The following IGFBP5 variants were observed in gnomAD, a reference collection of about 807,000 sequenced individuals.
IGFBP5 encodes the protein insulin like growth factor binding protein 5.
A neutral mutation model predicts 28.0 loss-of-function variants in IGFBP5; 12 were observed. That is an observed-to-expected ratio of 0.43 (90% CI 0.27 to 0.69). IGFBP5 has a LOEUF of 0.69. Among genes scored for constraint, IGFBP5 ranks in the 30% least tolerant of loss-of-function variants. IGFBP5 has a pLI of 0.20. For missense variants in IGFBP5, 344 were observed against 381.6 expected (o/e 0.90, Z 0.82); for synonymous variants, 152 against 150.2 (o/e 1.01, Z -0.09).
intron 1 of IGFBP5, among the ~76,000 whole-genome samples, chr2:216,686,584 T>C (rs570808351): frequency 6.7e-6 from 1 of 150,340 alleles, no homozygotes; most frequent in Admixed American, 6.6e-5. Flanking sequence ...GCCACTGCAC[T>C]CCAGCCTGGG....
intron 1 of IGFBP5, among the ~76,000 whole-genome samples, chr2:216,693,152 CT>C (rs56749026): frequency 1.7e-3 from 247 of 146,810 alleles, no homozygotes; most frequent in Non-Finnish European, 1.5e-3. Flanking sequence ...GTTTATTTAA[CT>C]TTTTTTTTTT....
Position 216,676,782 on chromosome 2 carries a change from C to A in IGFBP5, c.788G>T (p.Cys263Phe). The A allele has an allele frequency of 1.2e-6, 2 of 1,613,878 alleles. No individual in the cohort carries two copies. The highest frequency in any genetic ancestry group is 2.2e-5 in the South Asian group (2 of 91,066). ...AACGTTGCTGCTGTCGAAGGTGTGG[C>A]ACTGAAAGTCCCCGTCAACGTACTC... is the stretch of plus-strand genomic sequence containing the variant. ...GMEYVDGDFQ[C>F]HTFDSSNVE The change falls in exon 4 of 4, where the codon TGC (cysteine) becomes TTC (phenylalanine). Residue 263 changes from cysteine to phenylalanine, a missense_variant. This residue lies in a region of IGFBP5 where 36 missense variants were observed against 34.1 expected (regional missense o/e 1.06). Transcript: ENST00000233813.
At chr2:216,680,554 G>A (rs148896403) in intron 1 of IGFBP5, among the ~76,000 whole-genome samples, 1 of 152,326 alleles carries the variant, frequency 6.6e-6, no homozygotes, top group African/African-American at 2.4e-5. Flanking sequence ...GGGCAGGATG[G>A]CAGGTGGCAG....
chr2:216,678,064 G>T, intron 3 of IGFBP5, 48 bp downstream of exon 3: 4 of 1,365,842 alleles, frequency 2.9e-6, no homozygotes, highest in Non-Finnish European at 3.8e-6. Flanking sequence ...CCTGGCAGGT[G>T]CCATTTTTGG....
Position 216,695,014 on chromosome 2 carries a change from A to C in IGFBP5, c.-239T>G, listed in dbSNP as rs1416724325. The C allele has an allele frequency of 2.7e-6, 1 of 365,784 alleles. No homozygotes were observed. Among genetic ancestry groups the C allele is most frequent in the East Asian group, 4.0e-5 (1 of 25,090 alleles). 22.7% of individuals were successfully genotyped at this position (365,784 alleles called of 1,614,324 possible). A position where few individuals can be genotyped will look rare whatever the true frequency, so the allele number is the denominator to read the frequency against. On this transcript the variant is annotated 5_prime_UTR_variant, in exon 1 of 4. Coordinates refer to ENST00000233813, the MANE Select transcript of IGFBP5 (RefSeq NM_000599.4). ...TAAAGCCTTGCAACAGGTTGGGGGA[A>C]GCAGGGCAGCGCCAGGTGCACGCAG...
Position 216,676,529 on chromosome 2 carries a change from A to AGGG in IGFBP5, c.*219_*221dup. ...TTGCCTCAAAAAGAAAACCATTTAA[A>AGGG]GGGGGGGGGTGTCTTTTTAGCTTTT... On this transcript the variant is annotated 3_prime_UTR_variant, in exon 4 of 4. Transcript: ENST00000233813. The AGGG allele has an allele frequency of 3.3e-6, 1 of 303,044 alleles. No homozygotes were observed. Among genetic ancestry groups the AGGG allele is most frequent in the African/African-American group, 2.3e-5 (1 of 43,768 alleles). The allele number at this position is 303,044 out of a possible 1,614,324, so 18.8% of individuals were successfully genotyped here. A position where few individuals can be genotyped will look rare whatever the true frequency, so the allele number is the denominator to read the frequency against.
intron 2 of IGFBP5, 117 bp downstream of exon 2, chr2:216,678,733 G>C (rs1323136759): frequency 8.8e-6 from 7 of 797,754 alleles, no homozygotes; most frequent in African/African-American, 1.7e-5. Flanking sequence ...GAGCCACATG[G>C]TGGGCTGTAG....
At chr2:216,677,233 C>T (rs1201304624) in intron 3 of IGFBP5, among the ~76,000 whole-genome samples, 2 of 152,096 alleles carry the variant, frequency 1.3e-5, no homozygotes, top group East Asian at 3.9e-4. Flanking sequence ...GCCACTGTGC[C>T]TGGCTTATAG....
chr2:216,687,156 A>G (rs1466907428), intron 1 of IGFBP5, among the ~76,000 whole-genome samples: 1 of 152,182 alleles, frequency 6.6e-6, no homozygotes, highest in Non-Finnish European at 1.5e-5. Context: ...AAGGTCTGCC[A>G]GAAAGTGTTG....
At chr2:216,687,821 C>T (rs1405743125) in intron 1 of IGFBP5, among the ~76,000 whole-genome samples, 1 of 152,192 alleles carries the variant, frequency 6.6e-6, no homozygotes, top group African/African-American at 2.4e-5. Context: ...GCCACATCCC[C>T]CCAAAGTTCT....
rs537094064 is a variant in IGFBP5 at position 216,695,079 on chromosome 2, A to C, written c.-304T>G. 3.4e-6 allele frequency: 1 copy of C among 292,110 alleles called. No homozygotes were observed. The highest frequency in any genetic ancestry group is 5.2e-5 in the Admixed American group (1 of 19,404). 18.1% of individuals were successfully genotyped at this position (292,110 alleles called of 1,614,324 possible). A position where few individuals can be genotyped will look rare whatever the true frequency, so the allele number is the denominator to read the frequency against. On this transcript the variant is annotated 5_prime_UTR_variant, in exon 1 of 4. Coordinates refer to ENST00000233813, the MANE Select transcript of IGFBP5 (RefSeq NM_000599.4). The stretch of plus-strand genomic sequence containing the variant: ...AGAAACCCTCAAGCCTGAGCGGGTC[A>C]GAATTATAGGGGAAAAAAAGCCACA...
Position 216,694,617 on chromosome 2 carries a change from G to A in IGFBP5, c.159C>T (p.Cys53=). ...LGCELVKEPG[C]GCCMTCALAE... Reference sequence around the variant, plus strand: ...CCAGGGCGCAGGTCATGCAGCAGCCGCAGCCCGGCTCCTTGACCAGCTCGC... The same window carrying A: ...CCAGGGCGCAGGTCATGCAGCAGCCACAGCCCGGCTCCTTGACCAGCTCGC... The change falls in exon 1 of 4, where the codon TGC becomes TGT. Residue 53 remains cysteine, a synonymous_variant. Coordinates refer to ENST00000233813, the MANE Select transcript of IGFBP5 (RefSeq NM_000599.4). The surrounding 1 kb of genome is among the most constrained non-coding windows in gnomAD (Gnocchi z 5.2). The A allele has an allele frequency of 1.3e-6, 2 of 1,538,398 alleles. No individual in the cohort carries two copies. The highest frequency in any genetic ancestry group is 2.4e-5 in the East Asian group (1 of 41,020).
rs748899149 is a variant in IGFBP5 at position 216,678,159 on chromosome 2, C to T, written c.640G>A (p.Val214Met). ...KASPRMVPRAVYLPNCDRKGF... is the reference protein window; with the variant it reads ...KASPRMVPRAMYLPNCDRKGF... Reference sequence around the variant, plus strand: ...TTGCGGTCACAATTGGGCAGGTACACAGCACGGGGCACCATGCGTGGGCTG... The same window carrying T: ...TTGCGGTCACAATTGGGCAGGTACATAGCACGGGGCACCATGCGTGGGCTG... The change falls in exon 3 of 4, where the codon GTG becomes ATG. Residue 214 changes from valine to methionine, a missense_variant. Transcript: ENST00000233813. 3.1e-6 allele frequency: 5 copies of T among 1,592,936 alleles called. No homozygotes were observed. The Admixed American group carries it at 5.1e-5, about 16-fold the overall frequency.
rs1242227844 is a variant in IGFBP5 at position 216,673,263 on chromosome 2, G to C, written c.*3488C>G. 6.6e-6 allele frequency: 1 copy of C among 152,644 alleles called. No homozygotes were observed. The highest frequency in any genetic ancestry group is 1.5e-5 in the Non-Finnish European group (1 of 68,262). 9.5% of individuals were successfully genotyped at this position (152,644 alleles called of 1,614,324 possible). A position where few individuals can be genotyped will look rare whatever the true frequency, so the allele number is the denominator to read the frequency against. ...GGGTACCATGGAGGCCACAGAGGTG[G>C]TGGTGGGGAGATGGGGTGGGAGAGA... is the stretch of plus-strand genomic sequence containing the variant. On this transcript the variant is annotated 3_prime_UTR_variant, in exon 4 of 4. Transcript: ENST00000233813. The surrounding 1 kb of genome is among the most constrained non-coding windows in gnomAD (Gnocchi z 4.3).
chr2:216,694,280 C>T lies in IGFBP5; in HGVS notation c.337+159G>A, dbSNP rs896890827. Among the ~76,000 whole-genome samples, 5 of 152,124 alleles carry T rather than the reference C, an allele frequency of 3.3e-5. No individual in the cohort carries two copies. Among genetic ancestry groups the T allele is most frequent in the African/African-American group, 1.2e-4 (5 of 41,428 alleles). ...GACAGTTCCCCCGGGTAGCAGGATC[C>T]TCCAGGGCTCCAATTCCGGGGTGCA... On this transcript the variant is annotated intron_variant, in intron 1 of 3. Transcript: ENST00000233813. This position sits in a 1 kb window ranked among gnomAD's most constrained non-coding sequence, Gnocchi z 5.2.
At chr2:216,682,058 T>C (rs1417494650) in intron 1 of IGFBP5, among the ~76,000 whole-genome samples, 3 of 152,206 alleles carry the variant, frequency 2.0e-5, no homozygotes, top group Admixed American at 2.0e-4. Flanking sequence ...TCAAAATGCT[T>C]TTGCAAACTC....
Position 216,694,506 on chromosome 2 carries a change from C to T in IGFBP5, c.270G>A (p.Leu90=). The T allele has an allele frequency of 6.3e-7, 1 of 1,590,022 alleles. No homozygotes were observed. The highest frequency in any genetic ancestry group is 1.1e-5 in the South Asian group (1 of 87,330). ...CCCCGCGGCCGTGCAGCAGGGCGTG[C>T]AGCGGCTTCTCCTCGTCCTGCCGGG... The part of the protein sequence containing the change: ...CLPRQDEEKP[L]HALLHGRGVC... Residue 90 remains leucine (L), a synonymous_variant, in exon 1 of 4, where the codon CTG becomes CTA. Coordinates refer to ENST00000233813, the MANE Select transcript of IGFBP5 (RefSeq NM_000599.4). This position sits in a 1 kb window ranked among gnomAD's most constrained non-coding sequence, Gnocchi z 5.2.
rs1689143003 is a variant in IGFBP5 at position 216,694,482 on chromosome 2, C to G, written c.294G>C (p.Gly98=). ...GGTAGCTCTTTTCGTTGAGGCAAAC[C>G]CCGCGGCCGTGCAGCAGGGCGTGCA... ...KPLHALLHGR[G]VCLNEKSYRE... Residue 98 remains glycine, a synonymous_variant, in exon 1 of 4, where the codon GGG becomes GGC. Coordinates refer to ENST00000233813, the MANE Select transcript of IGFBP5 (RefSeq NM_000599.4). This position sits in a 1 kb window ranked among gnomAD's most constrained non-coding sequence, Gnocchi z 5.2. 6.3e-7 allele frequency: 1 copy of G among 1,588,348 alleles called. No homozygotes were observed. The highest frequency in any genetic ancestry group is 2.3e-5 in the East Asian group (1 of 43,484).
rs2106228004 is a variant in IGFBP5 at position 216,694,412 on chromosome 2, A to T, written c.337+27T>A. 1 of 1,469,226 alleles carries T rather than the reference A, an allele frequency of 6.8e-7. No homozygotes were observed. The highest frequency in any genetic ancestry group is 2.6e-5 in the East Asian group (1 of 38,608). The allele number at this position is 1,469,226 out of a possible 1,614,324, so 91.0% of individuals were successfully genotyped here. ...GTGTCCCCCGCCCGTGCGCCGCGTA[A>T]CTGACTGGCACACTGAGCGCGCTCA... On this transcript the variant is annotated intron_variant, in intron 1 of 3. Coordinates refer to ENST00000233813, the MANE Select transcript of IGFBP5 (RefSeq NM_000599.4). The surrounding 1 kb of genome is among the most constrained non-coding windows in gnomAD (Gnocchi z 5.2).
Sources: gnomAD v4.1 joint callset for allele counts (sites outside exome capture counted in the v4.1 genomes callset) on GRCh38, gnomAD v4.1.1 for gene constraint, gnomAD v4.1.1 regional missense constraint, Gnocchi (gnomAD v3.1) non-coding constraint, MANE v1.5 for transcripts, NCBI Gene and HGNC (gene_info 2026-07-23, HGNC 2026-07-21) for gene names.